Variants in RNF40 observed in about 807,000 individuals in gnomAD.
RNF40 encodes the protein ring finger protein 40.
A neutral mutation model predicts 123.3 loss-of-function variants in RNF40; 39 were observed. The ratio of observed to expected loss-of-function variants is 0.32; its 90% confidence interval spans 0.24 to 0.41. The LOEUF (loss-of-function observed/expected upper bound fraction) is 0.41, where lower values mean the gene tolerates loss of function less well. Ranked by LOEUF, RNF40 falls within the 10% of genes least tolerant of loss-of-function variation. The pLI is 1.00. For missense variants in RNF40, 1,003 were observed against 1,319.9 expected, an observed-to-expected ratio of 0.76 and a Z score of 3.72; for synonymous variants, 538 against 526.0, an observed-to-expected ratio of 1.02 and a Z score of -0.31.
chr16:30,762,025 T>G (rs1596731962), upstream of RNF40: 1 of 496,690 alleles, frequency 2.0e-6, no homozygotes, highest in East Asian at 3.5e-5. Context: ...AAGTTGCGAG[T>G]GCCCACCTGG....
chr16:30,772,025 A>C, intron 18 of RNF40, 52 bp downstream of exon 18: 2 of 1,589,130 alleles, frequency 1.3e-6, no homozygotes, highest in Non-Finnish European at 1.7e-6. Flanking sequence ...TCACGGACCT[A>C]TCCTGGGGGC....
intron 19 of RNF40, chr16:30,773,653 G>A (rs2054185305): frequency 9.2e-6 from 3 of 324,568 alleles, no homozygotes; most frequent in African/African-American, 2.1e-5. Flanking sequence ...AAGCCCCAAG[G>A]CAGAGTCCAG....
rs751372127 is a variant in RNF40, at chr16:30,766,892, A to G, written c.1429+16A>G. On this transcript the variant is annotated intron_variant, in intron 11 of 19. Coordinates refer to ENST00000324685, the MANE Select transcript of RNF40 (RefSeq NM_014771.4). This position sits in a 1 kb window ranked among gnomAD's most constrained non-coding sequence, Gnocchi z 5.4. ...GAGCAGGCGGGTATGTGGTGAGGAT[A>G]GGGCGGAGGTGGGGCCTTATCTGGG... 2 of 1,610,724 alleles carry G rather than the reference A, an allele frequency of 1.2e-6. No homozygotes were observed. Among genetic ancestry groups the G allele is most frequent in the South Asian group, 1.1e-5 (1 of 90,906 alleles).
At position 30,766,067 on chromosome 16, in the gene RNF40, A is replaced by G. The variant is rs760000258; in HGVS notation, c.994-96A>G. On this transcript the variant is annotated intron_variant, in intron 8 of 19. Coordinates refer to ENST00000324685, the MANE Select transcript of RNF40 (RefSeq NM_014771.4). The surrounding 1 kb of genome is among the most constrained non-coding windows in gnomAD (Gnocchi z 5.4). ...GTGTCAGAATCGATCATTGCCCTGC[A>G]CGGGGTGCTTGGGGTGGAGTGTATG... 1.3e-6 allele frequency: 2 copies of G among 1,559,794 alleles called. No homozygotes were observed. Among genetic ancestry groups the G allele is most frequent in the Non-Finnish European group, 1.8e-6 (2 of 1,137,460 alleles).
rs1464198736 is a variant in RNF40, at chr16:30,774,264, A to C, written c.*150A>C. 1 of 738,750 alleles carries C rather than the reference A, an allele frequency of 1.4e-6. No homozygotes were observed. Among genetic ancestry groups the C allele is most frequent in the African/African-American group, 1.8e-5 (1 of 56,506 alleles). 45.8% of individuals were successfully genotyped at this position (738,750 alleles called of 1,614,324 possible). A position where few individuals can be genotyped will look rare whatever the true frequency, so the allele number is the denominator to read the frequency against. On this transcript the variant is annotated 3_prime_UTR_variant, in exon 20 of 20. Coordinates refer to ENST00000324685, the MANE Select transcript of RNF40 (RefSeq NM_014771.4). ...CTAGTTGGTTTGGGGACCCTGGTGC[A>C]TGCTAGTGGGCATGGGATCAGCCAA... is the stretch of plus-strand genomic sequence containing the variant.
Position 30,768,576 on chromosome 16 carries a change from C to T in RNF40, c.1980-43C>T. The T allele has an allele frequency of 3.7e-6, 6 of 1,614,026 alleles. No individual in the cohort carries two copies. Among genetic ancestry groups the T allele is most frequent in the Non-Finnish European group, 5.1e-6 (6 of 1,179,896 alleles). ...CCTTCCTGACCCTGCCAGGTGGCCT[C>T]CAGTCCCACTCACTAAGACTTCCTC... On this transcript the variant is annotated intron_variant, in intron 13 of 19. Coordinates refer to ENST00000324685, the MANE Select transcript of RNF40 (RefSeq NM_014771.4). This position sits in a 1 kb window ranked among gnomAD's most constrained non-coding sequence, Gnocchi z 4.1.
At chr16:30,769,965 G>A (rs1355573966) in intron 17 of RNF40, among the ~76,000 whole-genome samples, 1 of 151,976 alleles carries the variant, frequency 6.6e-6, no homozygotes, top group Non-Finnish European at 1.5e-5. Flanking sequence ...TGGGTGTGCT[G>A]GTGCACGCCT....
At chr16:30,765,582 C>A (rs2054013362) in intron 8 of RNF40, 83 bp downstream of exon 8, 4 of 1,272,502 alleles carry the variant, frequency 3.1e-6, no homozygotes, top group Non-Finnish European at 4.5e-6. Context: ...AAAGGACAAA[C>A]ATCCATCTCT....
Position 30,774,038 on chromosome 16 carries a change from A to T in RNF40, c.2930A>T (p.Glu977Val). 6.2e-7 allele frequency: 1 copy of T among 1,614,054 alleles called. No homozygotes were observed. The highest frequency in any genetic ancestry group is 8.5e-7 in the Non-Finnish European group (1 of 1,179,880). Residue 977 changes from glutamate (E) to valine (V), a missense_variant, in exon 20 of 20, where the codon GAG (glutamate) becomes GTG (valine). Coordinates refer to ENST00000324685, the MANE Select transcript of RNF40 (RefSeq NM_014771.4). ...TTCGAGTGCGTGCGGGGCCGCTATG[A>T]GGCCCGCCAGAGGAAGTGCCCCAAG... ...FCFECVRGRY[E>V]ARQRKCPKCN...
At position 30,774,149 on chromosome 16, in the gene RNF40, C is replaced by T. The variant is rs757247266; in HGVS notation, c.*35C>T. ...TCAGGGGACTCTGGAACACCATGGA[C>T]CCTGGGGGCTGTGCCCCCATCTCCT... On this transcript the variant is annotated 3_prime_UTR_variant, in exon 20 of 20. Coordinates refer to ENST00000324685, the MANE Select transcript of RNF40 (RefSeq NM_014771.4). 4.4e-6 allele frequency: 7 copies of T among 1,576,584 alleles called. No homozygotes were observed. Among genetic ancestry groups the T allele is most frequent in the Non-Finnish European group, 6.0e-6 (7 of 1,158,218 alleles).
At position 30,769,577 on chromosome 16, in the gene RNF40, G is replaced by A. The variant is rs1432468670; in HGVS notation, c.2563G>A (p.Ala855Thr). 4 of 1,598,494 alleles carry A rather than the reference G, an allele frequency of 2.5e-6. No individual in the cohort carries two copies. The highest frequency in any genetic ancestry group is 2.3e-5 in the East Asian group (1 of 44,368). The change falls in exon 17 of 20, where the codon GCC (alanine) becomes ACC (threonine). Residue 855 changes from alanine (A) to threonine (T), a missense_variant. Transcript: ENST00000324685. ...VEKELTLRSQ[A>T]LELNKRKAVE... ...GAAGGAGCTGACGCTGCGCAGCCAA[G>A]CCCTGGAGCTCAACAAGCGGAAGGT...
At chr16:30,770,984 A>C (rs904734547) in intron 17 of RNF40, among the ~76,000 whole-genome samples, 2 of 152,160 alleles carry the variant, frequency 1.3e-5, no homozygotes, top group Non-Finnish European at 2.9e-5. Context: ...TGTTGGGATT[A>C]CAAGTGTGAG....
intron 2 of RNF40, among the ~76,000 whole-genome samples, 200 bp from the exon 3 acceptor site, chr16:30,762,918 G>A (rs1206807736): frequency 1.3e-5 from 2 of 152,240 alleles, no homozygotes; most frequent in Admixed American, 1.3e-4. Flanking sequence ...AAGGGGACAG[G>A]CAGAAACAAC....
rs1213465704 is a variant in RNF40, at chr16:30,775,080, G to A, written c.*966G>A. 4.4e-6 allele frequency: 2 copies of A among 455,904 alleles called. No homozygotes were observed. The highest frequency in any genetic ancestry group is 8.8e-6 in the Non-Finnish European group (2 of 226,470). 28.2% of individuals were successfully genotyped at this position (455,904 alleles called of 1,614,324 possible). ...CGGCTGTGAGGGCAGTGCCCGGAGA[G>A]GCCAGAGGGTTGGAGCTGCAGGGAC... is the stretch of plus-strand genomic sequence containing the variant. On this transcript the variant is annotated 3_prime_UTR_variant, in exon 20 of 20. Coordinates refer to ENST00000324685, the MANE Select transcript of RNF40 (RefSeq NM_014771.4).
chr16:30,771,989 A>G lies in RNF40; in HGVS notation c.2727+16A>G, dbSNP rs771240937. 8.2e-6 allele frequency: 13 copies of G among 1,587,410 alleles called. No individual in the cohort carries two copies. The East Asian group carries it at 2.9e-4, about 36-fold the overall frequency. ...GAGGGCTCAGGTGTGTGCAGGGGTG[A>G]GGGGCCAGGCCAGGGTGGTCCACGG... On this transcript the variant is annotated intron_variant, in intron 18 of 19. Transcript: ENST00000324685.
At chr16:30,761,804 G>A (rs2053829223), upstream of RNF40, 1 of 1,443,172 alleles carries the variant, frequency 6.9e-7, no homozygotes, top group Non-Finnish European at 9.2e-7. Context: ...TAGGTTCCAG[G>A]ACAGCCAGCG....
chr16:30,768,073 C>A lies in RNF40; in HGVS notation c.1552-30C>A, dbSNP rs199500667. On this transcript the variant is annotated intron_variant, in intron 12 of 19. Transcript: ENST00000324685. This position sits in a 1 kb window ranked among gnomAD's most constrained non-coding sequence, Gnocchi z 4.1. ...CTAGACTCCAGTGAACACCATCTGA[C>A]TTCATCCCTCTTCCTCTCTGCCTTT... 2 of 1,613,508 alleles carry A rather than the reference C, an allele frequency of 1.2e-6. No individual in the cohort carries two copies. The highest frequency in any genetic ancestry group is 2.7e-5 in the African/African-American group (2 of 74,940).
chr16:30,766,557 A>T lies in RNF40; in HGVS notation c.1292A>T (p.Glu431Val). ...NSHLRHIEHM[E>V]SDELGLQKKL... ...CACCTGCGACACATCGAGCACATGG[A>T]GGTATGGCCCTGGAACAGGCGTTAG... Residue 431 changes from glutamate to valine, a missense_variant and splice_region_variant, in exon 10 of 20, where the codon GAG becomes GTG. Coordinates refer to ENST00000324685, the MANE Select transcript of RNF40 (RefSeq NM_014771.4). This position sits in a 1 kb window ranked among gnomAD's most constrained non-coding sequence, Gnocchi z 5.4. 1 of 1,607,488 alleles carries T rather than the reference A, an allele frequency of 6.2e-7. No individual in the cohort carries two copies. The highest frequency in any genetic ancestry group is 8.5e-7 in the Non-Finnish European group (1 of 1,176,118).
rs757801737 is a variant in RNF40, at chr16:30,768,542, T to C, written c.1979+12T>C. 5 of 1,613,188 alleles carry C rather than the reference T, an allele frequency of 3.1e-6. No individual in the cohort carries two copies. In the Admixed American group the frequency reaches 8.3e-5, roughly 27 times the overall value. On this transcript the variant is annotated intron_variant, in intron 13 of 19. Coordinates refer to ENST00000324685, the MANE Select transcript of RNF40 (RefSeq NM_014771.4). This position sits in a 1 kb window ranked among gnomAD's most constrained non-coding sequence, Gnocchi z 4.1. ...CGAGCAGAGCTCAAGTGAGGCTCTG[T>C]TCCTGTCTCCTTCCTGACCCTGCCA...
Sources: allele counts gnomAD v4.1 joint callset (sites outside exome capture counted in the v4.1 genomes callset), GRCh38; gene constraint gnomAD v4.1.1; non-coding constraint Gnocchi (gnomAD v3.1); transcripts MANE v1.5; gene names NCBI Gene and HGNC (gene_info 2026-07-23, HGNC 2026-07-21).